Variants in SND1 observed in about 807,000 individuals in gnomAD.
SND1 encodes staphylococcal nuclease and tudor domain containing 1, also known as staphylococcal nuclease domain-containing protein 1.
Under a neutral mutation model 121.7 loss-of-function variants are expected in SND1, and 38 were observed. The ratio of observed to expected loss-of-function variants is 0.31; its 90% CI spans 0.24 to 0.41. The LOEUF is 0.41. Ranked by LOEUF, SND1 falls within the 10% of genes least tolerant of loss-of-function variation. The pLI, the probability that SND1 is intolerant of heterozygous loss-of-function variation, is 1.00. For synonymous variants in SND1, 401 were observed against 447.4 expected (o/e 0.90, Z 1.31); for missense variants, 868 against 1,184.6 (o/e 0.73, Z 3.92).
chr7:127,922,197 T>TTTTTG (rs1800731166), intron 14 of SND1, among the ~76,000 whole-genome samples: 14 of 135,364 alleles, frequency 1.0e-4, no homozygotes, highest in African/African-American at 3.7e-4. Flanking sequence ...TTTTTTTTTT[T>TTTTTG]TTTTTTGTTT....
At chr7:127,712,333 AT>A (rs914825762) in intron 9 of SND1, among the ~76,000 whole-genome samples, 33 of 152,018 alleles carry the variant, frequency 2.2e-4, no homozygotes, top group Non-Finnish European at 4.3e-4. Context: ...TAATTTTTAA[AT>A]TTTTTGTAGA....
chr7:127,854,717 G>A (rs1007958931), intron 12 of SND1, among the ~76,000 whole-genome samples: 1 of 151,946 alleles, frequency 6.6e-6, no homozygotes, highest in Non-Finnish European at 1.5e-5. Context: ...TTACCAATAA[G>A]CAAAACTTAT....
At chr7:127,818,569 A>C (rs1466306536) in intron 11 of SND1, among the ~76,000 whole-genome samples, 2 of 152,106 alleles carry the variant, frequency 1.3e-5, no homozygotes, top group East Asian at 3.9e-4. Context: ...CCTATTCCCC[A>C]GTAATAGTGC....
At chr7:127,686,992 G>GT in intron 2 of SND1, 1 of 440,952 alleles carries the variant, frequency 2.3e-6, no homozygotes, top group Non-Finnish European at 4.0e-6. Flanking sequence ...TTTTCCCATA[G>GT]ACTTAGATTT....
intron 12 of SND1, among the ~76,000 whole-genome samples, chr7:127,846,473 A>G (rs1354323100): frequency 6.6e-6 from 1 of 152,202 alleles, no homozygotes; most frequent in Non-Finnish European, 1.5e-5. Context: ...GAGAAATGTA[A>G]GGAATTTACT....
chr7:128,026,231 TTTTATTGGGGGTATGGTGATA>T (rs893327651), intron 16 of SND1, among the ~76,000 whole-genome samples: 1 of 152,162 alleles, frequency 6.6e-6, no homozygotes, highest in African/African-American at 2.4e-5. Flanking sequence ...TTTTCTTTCT[TTTTATTGGGGGTATGGTGATA>T]AAGGAGAGGC....
intron 15 of SND1, among the ~76,000 whole-genome samples, chr7:127,990,228 A>G: frequency 6.6e-6 from 1 of 152,200 alleles, no homozygotes; most frequent in East Asian, 1.9e-4. Flanking sequence ...TCTGTTTTAT[A>G]AGTAGGAAAA....
chr7:127,899,796 A>C (rs1800192802), intron 13 of SND1, among the ~76,000 whole-genome samples: 1 of 152,182 alleles, frequency 6.6e-6, no homozygotes, highest in Admixed American at 6.5e-5. Flanking sequence ...TCTTGAAATA[A>C]ATTGGTGAGG....
At chr7:127,844,791 A>G (rs1364894346) in intron 12 of SND1, among the ~76,000 whole-genome samples, 1 of 152,026 alleles carries the variant, frequency 6.6e-6, no homozygotes, top group African/African-American at 2.4e-5. Context: ...GCAGGTAACA[A>G]AGAGGGAAGA....
At chr7:127,856,400 A>G (rs903418309) in intron 12 of SND1, among the ~76,000 whole-genome samples, 2 of 152,240 alleles carry the variant, frequency 1.3e-5, no homozygotes, top group Admixed American at 6.5e-5. Flanking sequence ...ACTCAAAGCC[A>G]TAGTCCATGG....
At chr7:127,989,962 G>A (rs1364165885) in intron 15 of SND1, among the ~76,000 whole-genome samples, 1 of 152,168 alleles carries the variant, frequency 6.6e-6, no homozygotes, top group East Asian at 1.9e-4. Flanking sequence ...CTTGGTTAGT[G>A]AGCACTTTGT....
chr7:127,910,990 G>A (rs1014034241), intron 14 of SND1, among the ~76,000 whole-genome samples: 2 of 152,186 alleles, frequency 1.3e-5, no homozygotes, highest in African/African-American at 2.4e-5. Flanking sequence ...TGCAGAACTT[G>A]CTCTCCAGAG....
In SND1 at chr7:127,776,510, GA is replaced by G. The variant is rs1797623389; in HGVS notation, c.1153-30970del. 8.5e-5 allele frequency among the ~76,000 whole-genome samples: 13 copies of G among 152,104 alleles called. No individual in the cohort carries two copies. The South Asian group carries it at 2.7e-3, about 32-fold the overall frequency. On this transcript the variant is annotated intron_variant, in intron 10 of 23. Transcript: ENST00000354725. ...AAATATATCTTTAAAATAGAATATA[GA>G]AAAGTAAATAATAAAAAACCCATAC...
At chr7:127,793,804 CCCTCCACCCTCA>C (rs1176194830) in intron 10 of SND1, among the ~76,000 whole-genome samples, 1 of 152,072 alleles carries the variant, frequency 6.6e-6, no homozygotes, top group African/African-American at 2.4e-5. Context: ...TGCCCTCCTC[CCCTCCACCCTCA>C]CCTGACTGTC....
chr7:128,012,982 C>G (rs1462634331), intron 16 of SND1, among the ~76,000 whole-genome samples: 1 of 152,190 alleles, frequency 6.6e-6, no homozygotes. Context: ...ACAGCCCTTT[C>G]CGCCAGTGCC....
intron 10 of SND1, among the ~76,000 whole-genome samples, chr7:127,744,132 A>G (rs1375414682): frequency 6.6e-6 from 1 of 152,168 alleles, no homozygotes; most frequent in Non-Finnish European, 1.5e-5. Flanking sequence ...TATTTAGCAA[A>G]GCGATCATGA....
chr7:128,091,725 C>A, intron 22 of SND1, 112 bp from the exon 23 acceptor site: 1 of 1,084,474 alleles, frequency 9.2e-7, no homozygotes. Flanking sequence ...CTCCATTGGA[C>A]AGGCTTGAGC....
intron 11 of SND1, among the ~76,000 whole-genome samples, chr7:127,838,323 G>A (rs769179352): frequency 6.6e-6 from 1 of 152,150 alleles, no homozygotes; most frequent in Admixed American, 6.5e-5. Context: ...CTGATGCACT[G>A]GTTCTTTGGA....
chr7:127,848,023 A>G (rs1296234715), intron 12 of SND1, among the ~76,000 whole-genome samples: 1 of 152,200 alleles, frequency 6.6e-6, no homozygotes, highest in African/African-American at 2.4e-5. Context: ...CTTTACTTCT[A>G]AAAGGATTCT....
Sources: gnomAD v4.1 joint callset for allele counts (sites outside exome capture counted in the v4.1 genomes callset) on GRCh38, gnomAD v4.1.1 for gene constraint, MANE v1.5 for transcripts, NCBI Gene and HGNC (gene_info 2026-07-23, HGNC 2026-07-21) for gene names.